GABRB3: variants seen among roughly 807,000 people sequenced by gnomAD.
GABRB3 encodes the protein gamma-aminobutyric acid receptor subunit beta-3.
GABRB3 carries 14 observed loss-of-function variants against 52.1 expected under a neutral mutation model. That is an observed-to-expected ratio of 0.27 (90% confidence interval 0.18 to 0.42). The LOEUF is 0.42. GABRB3 is among the 10% of genes least tolerant of loss of function. The pLI is 1.00. For missense variants in GABRB3, 307 were observed against 609.1 expected (o/e 0.50, Z 5.22); for synonymous variants, 260 against 232.3 (o/e 1.12, Z -1.08).
At chr15:26,696,427 T>A (rs1485764010) in intron 3 of GABRB3, among the ~76,000 whole-genome samples, 1 of 151,558 alleles carries the variant, frequency 6.6e-6, no homozygotes, top group African/African-American at 2.4e-5. Context: ...TGAGGCCCGA[T>A]GACGTAGAGC....
intron 3 of GABRB3, among the ~76,000 whole-genome samples, chr15:26,660,902 G>A (rs904104280): frequency 2.6e-5 from 4 of 152,182 alleles, no homozygotes; most frequent in Non-Finnish European, 5.9e-5. Flanking sequence ...GCAGTAGCGT[G>A]CACTCATGGC....
intron 3 of GABRB3, among the ~76,000 whole-genome samples, chr15:26,730,157 AGTCCAAGTGGAGAAAAT>A (rs1889869776): frequency 4.6e-5 from 7 of 152,226 alleles, no homozygotes; most frequent in Admixed American, 4.6e-4. Flanking sequence ...TTGTTCTTAC[AGTCCAAGTGGAGAAAAT>A]GTATCATTCT....
At chr15:26,553,027 G>C (rs141943740) in intron 8 of GABRB3, among the ~76,000 whole-genome samples, 2 of 152,190 alleles carry the variant, frequency 1.3e-5, no homozygotes, top group Non-Finnish European at 2.9e-5. Flanking sequence ...AGCTCAATTC[G>C]ATTGTATTAG....
chr15:26,753,816 T>C (rs957303108), intron 3 of GABRB3, among the ~76,000 whole-genome samples: 6 of 152,132 alleles, frequency 3.9e-5, no homozygotes, highest in African/African-American at 1.4e-4. Context: ...AGCATCTCTG[T>C]GAGAAATACA....
At chr15:26,701,267 A>G (rs778053888) in intron 3 of GABRB3, among the ~76,000 whole-genome samples, 92 of 133,838 alleles carry the variant, frequency 6.9e-4, no homozygotes, top group Non-Finnish European at 1.3e-3. Flanking sequence ...AGTTGGGGGG[A>G]AAAAAATAGA....
intron 3 of GABRB3, among the ~76,000 whole-genome samples, chr15:26,692,460 T>C (rs1888616660): frequency 2.6e-5 from 4 of 152,304 alleles, no homozygotes; most frequent in Non-Finnish European, 4.4e-5. Flanking sequence ...GATATTAGTA[T>C]TTGGTAAAAC....
Position 26,621,566 on chromosome 15 carries a change from T to G in GABRB3, c.241-32A>C. 6.4e-7 allele frequency: 1 copy of G among 1,557,226 alleles called. No individual in the cohort carries two copies. The highest frequency in any genetic ancestry group is 8.8e-7 in the Non-Finnish European group (1 of 1,131,196). The stretch of plus-strand genomic sequence containing the variant: ...GGAAAAGAAAAGAAAGAAAGTTAGT[T>G]TGTACCCAGCCACAGGTGTATTTCC... On this transcript the variant is annotated intron_variant, in intron 3 of 8. Transcript: ENST00000311550. The surrounding 1 kb of genome is among the most constrained non-coding windows in gnomAD (Gnocchi z 4.1).
At chr15:26,564,440 G>A (rs929177373) in intron 7 of GABRB3, among the ~76,000 whole-genome samples, 7 of 152,172 alleles carry the variant, frequency 4.6e-5, no homozygotes, top group African/African-American at 1.7e-4. Flanking sequence ...GCTGTCTGAA[G>A]AGCCAGCAGA....
rs71420011 is a variant in GABRB3, at chr15:26,621,886, TTC to T, written c.241-354_241-353del. The stretch of plus-strand genomic sequence containing the variant: ...GGGAACTAGATTGTTCCCATGGATG[TTC>T]TCTTTCCCACCAGGCAGACAGGTGC... On this transcript the variant is annotated intron_variant, in intron 3 of 8. Transcript: ENST00000311550. This position sits in a 1 kb window ranked among gnomAD's most constrained non-coding sequence, Gnocchi z 4.1. Among the ~76,000 whole-genome samples, 54,795 of 151,834 alleles carry T rather than the reference TTC, an allele frequency of 0.36. 10,559 individuals carry two copies. The highest frequency in any genetic ancestry group is 0.47 in the Middle Eastern group (138 of 294).
intron 3 of GABRB3, among the ~76,000 whole-genome samples, chr15:26,703,493 T>C (rs1187760550): frequency 6.6e-6 from 1 of 152,146 alleles, no homozygotes; most frequent in African/African-American, 2.4e-5. Flanking sequence ...CCTTTTCACA[T>C]CTGGAATACA....
intron 3 of GABRB3, among the ~76,000 whole-genome samples, chr15:26,760,110 A>G (rs1268352163): frequency 6.6e-6 from 1 of 152,200 alleles, no homozygotes; most frequent in Non-Finnish European, 1.5e-5. Context: ...CGGGTTCTAC[A>G]CCCACCATGC....
At chr15:26,763,085 T>A (rs1890864180) in intron 3 of GABRB3, among the ~76,000 whole-genome samples, 1 of 152,162 alleles carries the variant, frequency 6.6e-6, no homozygotes, top group Non-Finnish European at 1.5e-5. Context: ...AGGCAAGGCA[T>A]TTTGCAGGCT....
intron 4 of GABRB3, among the ~76,000 whole-genome samples, chr15:26,601,161 C>T (rs1042550418): frequency 6.6e-6 from 1 of 152,096 alleles, no homozygotes; most frequent in African/African-American, 2.4e-5. Context: ...CAGTGGCTCA[C>T]AACTGTAAGC....
chr15:26,585,385 G>A (rs1890942207), intron 4 of GABRB3, among the ~76,000 whole-genome samples: 1 of 152,122 alleles, frequency 6.6e-6, no homozygotes, highest in South Asian at 2.1e-4. Flanking sequence ...AATGCTGCAG[G>A]TAATGAGCAA....
Position 26,580,382 on chromosome 15 carries a change from C to T in GABRB3, c.619G>A (p.Glu207Lys). 6.2e-7 allele frequency: 1 copy of T among 1,614,180 alleles called. No homozygotes were observed. Among genetic ancestry groups the T allele is most frequent in the Non-Finnish European group, 8.5e-7 (1 of 1,180,038 alleles). Reference protein sequence around the residue: ...DKAVTGVERIELPQFSIVEHR... With the variant: ...DKAVTGVERIKLPQFSIVEHR... ...TCCACGATGGAGAACTGCGGGAGCT[C>T]AATCCTTTCCACTCCGGTAACAGCC... The change falls in exon 6 of 9, where the codon GAG (glutamate) becomes AAG (lysine). Residue 207 changes from glutamate to lysine, a missense_variant. By Grantham distance (56) the Glu-to-Lys change is moderately conservative. Transcript: ENST00000311550.
intron 3 of GABRB3, among the ~76,000 whole-genome samples, chr15:26,701,053 C>CAA (rs35441212): frequency 6.9e-6 from 1 of 143,994 alleles, no homozygotes; most frequent in Non-Finnish European, 1.5e-5. Flanking sequence ...AGACTCGTCT[C>CAA]AAAAAAAAAA....
intron 3 of GABRB3, among the ~76,000 whole-genome samples, chr15:26,717,154 C>CAAATGA (rs1566817140): frequency 1.3e-5 from 2 of 149,004 alleles, no homozygotes; most frequent in Non-Finnish European, 1.5e-5. Flanking sequence ...GGACCTCCAC[C>CAAATGA]CAATGACAGC....
At chr15:26,600,287 CAGA>C (rs1891540864) in intron 4 of GABRB3, among the ~76,000 whole-genome samples, 2 of 151,190 alleles carry the variant, frequency 1.3e-5, no homozygotes. Flanking sequence ...ATAGGATTTG[CAGA>C]AGTAGAAGAG....
At chr15:26,646,559 T>C (rs1350545339) in intron 3 of GABRB3, among the ~76,000 whole-genome samples, 2 of 152,122 alleles carry the variant, frequency 1.3e-5, no homozygotes, top group Non-Finnish European at 2.9e-5. Context: ...GTGTTCTCAT[T>C]CTGCTTGGGT....
Sources: allele counts gnomAD v4.1 joint callset (sites outside exome capture counted in the v4.1 genomes callset), GRCh38; gene constraint gnomAD v4.1.1; non-coding constraint Gnocchi (gnomAD v3.1); transcripts MANE v1.5; gene names NCBI Gene and HGNC (gene_info 2026-07-23, HGNC 2026-07-21).